GSDMC: variants seen among roughly 807,000 people sequenced by gnomAD.
The protein encoded by GSDMC is gasdermin C.
Under a neutral mutation model 58.0 loss-of-function variants are expected in GSDMC, and 59 were observed. The observed-to-expected ratio is 1.02, with a 90% CI of 0.82 to 1.26. The LOEUF is 1.26. GSDMC is among the 50% of genes most tolerant of loss of function. The probability of loss-of-function intolerance (pLI) is 0.00; values close to 1 mark genes in which losing one functional copy is unlikely to be tolerated. For synonymous variants in GSDMC, 241 were observed against 220.2 expected, an observed-to-expected ratio of 1.09 and a Z score of -0.83; for missense variants, 659 against 598.5, an observed-to-expected ratio of 1.10 and a Z score of -1.06.
the GSDMC span, chr8:129,729,075 T>C: frequency 1.3e-5 from 8 of 635,050 alleles, no homozygotes; most frequent in Non-Finnish European, 3.0e-6. Context: ...AATAACTCAG[T>C]TGAAGCATCA....
chr8:129,760,347 T>TA (rs757596452), intron 6 of GSDMC, among the ~76,000 whole-genome samples, 198 bp downstream of exon 6: 11 of 152,124 alleles, frequency 7.2e-5, no homozygotes, highest in South Asian at 4.1e-4. Flanking sequence ...GTACATTTTT[T>TA]AAAAACTAAA....
intron 7 of GSDMC, 47 bp downstream of exon 7, chr8:129,752,651 G>A (rs772452193): frequency 6.2e-7 from 1 of 1,605,684 alleles, no homozygotes; most frequent in South Asian, 1.1e-5. Flanking sequence ...TCTGCACAAA[G>A]AAAAGCATCA....
chr8:129,779,266 A>C (rs990025154), intron 1 of GSDMC, among the ~76,000 whole-genome samples: 1 of 152,214 alleles, frequency 6.6e-6, no homozygotes, highest in Non-Finnish European at 1.5e-5. Context: ...ACCTCATGGA[A>C]TACTATGTAG....
chr8:129,728,893 A>G, the GSDMC span: 165,859 of 651,802 alleles, frequency 0.25, 30,578 homozygotes, highest in African/African-American at 0.65. Flanking sequence ...TTCCTCAAGC[A>G]CCAGGCAGGG....
At chr8:129,757,001 G>A (rs931792031) in intron 6 of GSDMC, among the ~76,000 whole-genome samples, 1 of 151,396 alleles carries the variant, frequency 6.6e-6, no homozygotes, top group East Asian at 1.9e-4. Flanking sequence ...TAAAGAACTA[G>A]AAAAGCAAGA....
the GSDMC span, among the ~76,000 whole-genome samples, chr8:129,713,007 TA>T: frequency 6.6e-6 from 1 of 152,162 alleles, no homozygotes; most frequent in Non-Finnish European, 1.5e-5. Context: ...TGGCCTCTGG[TA>T]AACGGTTGGA....
At chr8:129,742,298 T>G in the GSDMC span, among the ~76,000 whole-genome samples, 1 of 152,116 alleles carries the variant, frequency 6.6e-6, no homozygotes, top group Non-Finnish European at 1.5e-5. Flanking sequence ...GATGAGAAAG[T>G]GAAGTGATAG....
intron 1 of GSDMC, among the ~76,000 whole-genome samples, chr8:129,780,806 C>T (rs562979821): frequency 5.3e-4 from 81 of 152,164 alleles, no homozygotes; most frequent in African/African-American, 1.8e-3. Flanking sequence ...AAAGGCCAAA[C>T]GATAAACCAA....
chr8:129,739,198 C>G, the GSDMC span, among the ~76,000 whole-genome samples: 1 of 152,044 alleles, frequency 6.6e-6, no homozygotes, highest in East Asian at 1.9e-4. Flanking sequence ...GGTGAGAATG[C>G]CCTGAGATGG....
chr8:129,772,294 A>AAATTAAAT (rs911128968), intron 3 of GSDMC, among the ~76,000 whole-genome samples: 12 of 151,910 alleles, frequency 7.9e-5, no homozygotes, highest in Admixed American at 6.5e-4. Flanking sequence ...AGAGCAGAAT[A>AAATTAAAT]AATTAAATGG....
At chr8:129,728,538 C>A in the GSDMC span, among the ~76,000 whole-genome samples, 1 of 152,204 alleles carries the variant, frequency 6.6e-6, no homozygotes, top group Admixed American at 6.5e-5. Context: ...CATCATGGGA[C>A]CTGCAGGTGT....
the GSDMC span, among the ~76,000 whole-genome samples, chr8:129,710,953 A>G: frequency 7.2e-5 from 11 of 152,304 alleles, no homozygotes; most frequent in African/African-American, 2.2e-4. Flanking sequence ...ACCATATCAC[A>G]TGCCCTAATG....
chr8:129,748,008 T>C (rs1347289378), downstream of GSDMC, among the ~76,000 whole-genome samples: 5 of 151,910 alleles, frequency 3.3e-5, no homozygotes, highest in Non-Finnish European at 5.9e-5. Context: ...ACTCACAAAA[T>C]GTTTCCAGGA....
chr8:129,781,381 T>C (rs1411493659), intron 1 of GSDMC, among the ~76,000 whole-genome samples: 1 of 152,208 alleles, frequency 6.6e-6, no homozygotes, highest in Non-Finnish European at 1.5e-5. Flanking sequence ...GGAATAGCTA[T>C]ACTTGTATCA....
the GSDMC span, among the ~76,000 whole-genome samples, chr8:129,727,437 T>C: frequency 6.6e-6 from 1 of 152,118 alleles, no homozygotes; most frequent in African/African-American, 2.4e-5. Context: ...TGACAGTGTA[T>C]GGCTGATAAA....
At chr8:129,715,560 A>G in the GSDMC span, among the ~76,000 whole-genome samples, 1 of 152,220 alleles carries the variant, frequency 6.6e-6, no homozygotes, top group Non-Finnish European at 1.5e-5. Flanking sequence ...CTAGAATTCT[A>G]TGCCTACCTT....
chr8:129,729,116 C>T, the GSDMC span: 162 of 645,576 alleles, frequency 2.5e-4, no homozygotes, highest in South Asian at 2.4e-3. Context: ...TCTGATCCTG[C>T]AAGTAACTGC....
chr8:129,728,329 GA>G, the GSDMC span, among the ~76,000 whole-genome samples: 2 of 152,196 alleles, frequency 1.3e-5, no homozygotes, highest in Non-Finnish European at 2.9e-5. Context: ...TGGTGCAGAG[GA>G]GTCCTCTGCT....
At chr8:129,749,927 CT>C (rs1051793198) in intron 12 of GSDMC, 62 bp downstream of exon 12, 10 of 1,412,362 alleles carry the variant, frequency 7.1e-6, no homozygotes, top group Non-Finnish European at 5.8e-6. Context: ...TCTAACACAG[CT>C]TTTTGCGGGT....
Sources: allele counts gnomAD v4.1 joint callset (sites outside exome capture counted in the v4.1 genomes callset), GRCh38; gene constraint gnomAD v4.1.1; transcripts MANE v1.5; gene names NCBI Gene and HGNC (gene_info 2026-07-23, HGNC 2026-07-21).